RANBP9: variants seen among roughly 807,000 people sequenced by gnomAD.
RANBP9 encodes the protein ran-binding protein 9.
RANBP9 carries 15 observed loss-of-function variants against 84.3 expected under a neutral mutation model. That is an observed-to-expected ratio of 0.18 (90% CI 0.12 to 0.27). RANBP9 has a LOEUF of 0.27. Ranked by LOEUF, RANBP9 falls within the 10% of genes least tolerant of loss-of-function variation. RANBP9 has a pLI of 1.00. For missense variants in RANBP9, 809 were observed against 912.8 expected, an observed-to-expected ratio of 0.89 and a Z score of 1.46; for synonymous variants, 392 against 349.6, an observed-to-expected ratio of 1.12 and a Z score of -1.35.
intron 1 of RANBP9, among the ~76,000 whole-genome samples, chr6:13,704,593 T>C (rs762493244): frequency 6.6e-6 from 1 of 151,444 alleles, no homozygotes; most frequent in Non-Finnish European, 1.5e-5. Flanking sequence ...ATCGCACCAC[T>C]GCATTCTAGC....
In RANBP9 at chr6:13,671,342, A is replaced by C. The variant is rs569652516; in HGVS notation, c.684-12510T>G. On this transcript the variant is annotated intron_variant, in intron 2 of 13. Transcript: ENST00000011619. ...TGAAAACACATAGCCATACTATGTT[A>C]CACAATTCTTCATAACAGCAATATT... Among the ~76,000 whole-genome samples the C allele has an allele frequency of 3.3e-5, 5 of 152,318 alleles. No individual in the cohort carries two copies. In the South Asian group the frequency reaches 1.0e-3, roughly 32 times the overall value.
chr6:13,667,661 ATTCCCTAT>A (rs1765682838), intron 2 of RANBP9, among the ~76,000 whole-genome samples: 1 of 152,158 alleles, frequency 6.6e-6, no homozygotes, highest in Non-Finnish European at 1.5e-5. Context: ...TTGTGTTACA[ATTCCCTAT>A]TGTAACACAA....
chr6:13,658,114 G>C (rs1765449979), intron 3 of RANBP9, among the ~76,000 whole-genome samples: 1 of 152,080 alleles, frequency 6.6e-6, no homozygotes. Context: ...TTTACTTTAA[G>C]TATTAGTCGA....
chr6:13,647,504 C>T (rs1765197009), intron 5 of RANBP9, among the ~76,000 whole-genome samples: 1 of 151,986 alleles, frequency 6.6e-6, no homozygotes, highest in Admixed American at 6.6e-5. Context: ...GAAAGATGTC[C>T]TATACACACT....
intron 2 of RANBP9, among the ~76,000 whole-genome samples, chr6:13,678,747 C>T (rs892755682): frequency 1.3e-5 from 2 of 152,106 alleles, no homozygotes; most frequent in Non-Finnish European, 1.5e-5. Flanking sequence ...CTGGTGCTTC[C>T]CCTGTGTAGC....
intron 5 of RANBP9, among the ~76,000 whole-genome samples, chr6:13,650,780 T>C (rs903492019): frequency 3.3e-5 from 5 of 152,086 alleles, no homozygotes; most frequent in African/African-American, 1.2e-4. Context: ...CTCGGCAACC[T>C]GGCGAAACCC....
At chr6:13,691,224 T>C (rs895393950) in intron 2 of RANBP9, among the ~76,000 whole-genome samples, 4 of 151,626 alleles carry the variant, frequency 2.6e-5, no homozygotes, top group African/African-American at 9.7e-5. Flanking sequence ...GTGAAATGCA[T>C]TAGATTTTAT....
rs953493875 is a variant in RANBP9 at position 13,711,612 on chromosome 6, CCGCCCCGGAAGCAGGCGGCGGGCCGCG to C, written c.-134_-108del. The C allele has an allele frequency of 3.7e-6, 4 of 1,090,888 alleles. No individual in the cohort carries two copies. In the African/African-American group the frequency reaches 6.6e-5, roughly 18 times the overall value. The allele number at this position is 1,090,888 out of a possible 1,614,324, so 67.6% of individuals were successfully genotyped here. Reference sequence around the variant, plus strand: ...CGCCGGCACCAGGCGCCCAGTCCGCCCGCCCCGGAAGCAGGCGGCGGGCCGCGCGCCCAGGGAGACCGCGGCGGTTGA... The same window carrying C: ...CGCCGGCACCAGGCGCCCAGTCCGCCCGCCCAGGGAGACCGCGGCGGTTGA... On this transcript the variant is annotated 5_prime_UTR_variant, in exon 1 of 14. Transcript: ENST00000011619.
chr6:13,669,770 T>G (rs1183549120), intron 2 of RANBP9, among the ~76,000 whole-genome samples: 1 of 152,122 alleles, frequency 6.6e-6, no homozygotes, highest in Admixed American at 6.5e-5. Context: ...TTTTCGCATT[T>G]TTTGTACAGA....
At chr6:13,646,477 T>A (rs1765176383) in intron 5 of RANBP9, among the ~76,000 whole-genome samples, 1 of 152,062 alleles carries the variant, frequency 6.6e-6, no homozygotes, top group Non-Finnish European at 1.5e-5. Context: ...TATGAGATAC[T>A]TTAACACAAA....
At chr6:13,684,405 C>A (rs1221197233) in intron 2 of RANBP9, among the ~76,000 whole-genome samples, 1 of 152,160 alleles carries the variant, frequency 6.6e-6, no homozygotes, top group Non-Finnish European at 1.5e-5. Flanking sequence ...TTTTTCCCTA[C>A]CCAGCCTGAA....
At chr6:13,652,537 G>T in intron 5 of RANBP9, 122 bp downstream of exon 5, 1 of 922,218 alleles carries the variant, frequency 1.1e-6, no homozygotes, top group Non-Finnish European at 1.6e-6. Flanking sequence ...TTCTTTGCAT[G>T]TCATATAAAC....
chr6:13,653,114 G>C (rs1445690754), intron 4 of RANBP9, among the ~76,000 whole-genome samples: 4 of 152,078 alleles, frequency 2.6e-5, no homozygotes, highest in Non-Finnish European at 5.9e-5. Flanking sequence ...AAAGAAAAGA[G>C]TTTTTCTGTT....
At chr6:13,633,220 G>GA (rs1562297699) in intron 11 of RANBP9, among the ~76,000 whole-genome samples, 1 of 152,086 alleles carries the variant, frequency 6.6e-6, no homozygotes, top group Non-Finnish European at 1.5e-5. Context: ...TTTTTTAGTA[G>GA]AAATGGGGTT....
intron 2 of RANBP9, among the ~76,000 whole-genome samples, chr6:13,680,861 C>A (rs573195709): frequency 6.6e-6 from 1 of 151,946 alleles, no homozygotes; most frequent in East Asian, 1.9e-4. Flanking sequence ...TAGTTTGAAC[C>A]AAAAGGACTT....
At chr6:13,707,005 CA>C (rs34108954) in intron 1 of RANBP9, among the ~76,000 whole-genome samples, 2,027 of 122,238 alleles carry the variant, frequency 0.017, 20 homozygotes, top group East Asian at 0.039. Flanking sequence ...GACTCTGTCT[CA>C]AAAAAAAAAA....
chr6:13,674,505 T>C (rs997891886), intron 2 of RANBP9, among the ~76,000 whole-genome samples: 2 of 152,216 alleles, frequency 1.3e-5, no homozygotes, highest in African/African-American at 2.4e-5. Flanking sequence ...CTCAGTATAG[T>C]ACTGGAGGCT....
chr6:13,625,605 A>T, intron 13 of RANBP9, 48 bp downstream of exon 13: 1 of 1,397,942 alleles, frequency 7.2e-7, no homozygotes, highest in Non-Finnish European at 1.0e-6. Flanking sequence ...CCTCTCTTAA[A>T]TTTTCAGAGA....
intron 2 of RANBP9, among the ~76,000 whole-genome samples, chr6:13,664,743 C>T (rs1036911022): frequency 6.6e-6 from 1 of 152,014 alleles, no homozygotes; most frequent in African/African-American, 2.4e-5. Flanking sequence ...ACATGGACAC[C>T]TATTATGCAG....
Sources: gnomAD v4.1 joint callset for allele counts (sites outside exome capture counted in the v4.1 genomes callset) on GRCh38, gnomAD v4.1.1 for gene constraint, MANE v1.5 for transcripts, NCBI Gene and HGNC (gene_info 2026-07-23, HGNC 2026-07-21) for gene names.